Variants in RAPGEF4 observed in about 807,000 individuals in gnomAD.
RAPGEF4 encodes RAP guanine-nucleotide-exchange factor (GEF) 4.
RAPGEF4 carries 66 observed loss-of-function variants against 147.9 expected under a neutral mutation model. The ratio of observed to expected loss-of-function variants is 0.45; its 90% CI spans 0.37 to 0.55. The LOEUF is 0.55. Ranked by LOEUF, RAPGEF4 falls within the 20% of genes least tolerant of loss-of-function variation. The probability of loss-of-function intolerance (pLI) is 0.00; values close to 1 mark genes in which losing one functional copy is unlikely to be tolerated. For synonymous variants in RAPGEF4, 419 were observed against 442.7 expected (o/e 0.95, Z 0.67); for missense variants, 1,071 against 1,257.3 (o/e 0.85, Z 2.24).
Position 172,978,639 on chromosome 2 carries a change from C to G in RAPGEF4, c.1005-4857C>G, listed in dbSNP as rs1295770727. ...CCCTCTAACACCGCCCTCTCCTGCC[C>G]TCTGGGCTGATTGACGCAGAGCTGT... On this transcript the variant is annotated intron_variant, in intron 10 of 30. Coordinates refer to ENST00000397081, the MANE Select transcript of RAPGEF4 (RefSeq NM_007023.4). 2.0e-5 allele frequency among the ~76,000 whole-genome samples: 3 copies of G among 152,344 alleles called. No homozygotes were observed. In the East Asian group the frequency reaches 5.8e-4, roughly 29 times the overall value.
chr2:172,868,523 G>A (rs905788009), intron 4 of RAPGEF4, among the ~76,000 whole-genome samples: 3 of 152,182 alleles, frequency 2.0e-5, no homozygotes, highest in Non-Finnish European at 4.4e-5. Context: ...GGAGTGGGAG[G>A]AAAGAGCCAT....
At chr2:172,860,237 TA>T (rs527727965) in intron 4 of RAPGEF4, 8 of 984,654 alleles carry the variant, frequency 8.1e-6, no homozygotes, top group Admixed American at 6.2e-5. Context: ...AACATGGATT[TA>T]AAAAAAACTA....
intron 1 of RAPGEF4, among the ~76,000 whole-genome samples, chr2:172,763,887 G>GT (rs1696581348): frequency 6.6e-6 from 1 of 151,548 alleles, no homozygotes; most frequent in Admixed American, 6.6e-5. Flanking sequence ...CCTTTTTTTG[G>GT]TATTTTCTGA....
At chr2:172,994,895 C>A (rs1252500430) in intron 15 of RAPGEF4, among the ~76,000 whole-genome samples, 1 of 152,030 alleles carries the variant, frequency 6.6e-6, no homozygotes. Flanking sequence ...CTCCTCTAGG[C>A]TCCAAAGCCA....
At chr2:173,019,450 C>T (rs936246104) in intron 22 of RAPGEF4, among the ~76,000 whole-genome samples, 19 of 152,104 alleles carry the variant, frequency 1.2e-4, no homozygotes, top group East Asian at 1.9e-4. Context: ...AGGAGGTAGA[C>T]GGTAAGTTAA....
Position 173,016,442 on chromosome 2 carries a change from G to A in RAPGEF4, c.1898+5G>A, listed in dbSNP as rs990304469. 6.2e-6 allele frequency: 10 copies of A among 1,600,026 alleles called. No homozygotes were observed. The highest frequency in any genetic ancestry group is 1.7e-5 in the Admixed American group (1 of 60,006). On this transcript the variant is annotated splice_donor_5th_base_variant and intron_variant, in intron 19 of 30. Coordinates refer to ENST00000397081, the MANE Select transcript of RAPGEF4 (RefSeq NM_007023.4). ...GGAGAAGATTGTCAAGCAAATGTAA[G>A]GAAGGGCTTGACTGTGGGGGTGTGC...
chr2:172,756,068 G>A (rs1695746514), intron 1 of RAPGEF4, among the ~76,000 whole-genome samples: 1 of 152,176 alleles, frequency 6.6e-6, no homozygotes, highest in Admixed American at 6.5e-5. Flanking sequence ...AAAATGAGCA[G>A]TGTATATCTT....
At chr2:173,025,088 G>T (rs578043241) in intron 23 of RAPGEF4, among the ~76,000 whole-genome samples, 58 of 152,310 alleles carry the variant, frequency 3.8e-4, no homozygotes, top group Non-Finnish European at 7.6e-4. Flanking sequence ...ATTCATTCAT[G>T]TTCCCCTCCT....
At chr2:173,002,107 TC>T (rs1693992657) in intron 17 of RAPGEF4, among the ~76,000 whole-genome samples, 1 of 151,858 alleles carries the variant, frequency 6.6e-6, no homozygotes, top group African/African-American at 2.4e-5. Context: ...GACAGACTGT[TC>T]CCTGGCAGGG....
Position 173,051,642 on chromosome 2 carries a change from C to T in RAPGEF4, c.2911C>T (p.Pro971Ser), listed in dbSNP as rs1409419205. Residue 971 changes from proline to serine, a missense_variant and splice_region_variant, in exon 31 of 31, where the codon CCT (proline) becomes TCT (serine). Physicochemically the swap from Pro to Ser is moderately conservative, Grantham distance 74 (BLOSUM62 -1). Transcript: ENST00000397081. ...VRYYRSQPFN[P>S]DAAQANKNHQ... The stretch of plus-strand genomic sequence containing the variant: ...TCTGCCCTTTCCTCTTTCAACAGAT[C>T]CTGATGCAGCTCAAGCTAATAAGAA... The T allele has an allele frequency of 1.9e-6, 3 of 1,613,430 alleles. No individual in the cohort carries two copies. The highest frequency in any genetic ancestry group is 3.3e-5 in the Admixed American group (2 of 60,000).
At chr2:172,907,046 C>T (rs1699698514) in intron 4 of RAPGEF4, among the ~76,000 whole-genome samples, 1 of 152,164 alleles carries the variant, frequency 6.6e-6, no homozygotes, top group African/African-American at 2.4e-5. Flanking sequence ...TTCAGCAGAG[C>T]TGGGTTTATC....
At chr2:172,932,747 C>T (rs1016382667) in intron 6 of RAPGEF4, among the ~76,000 whole-genome samples, 5 of 152,132 alleles carry the variant, frequency 3.3e-5, no homozygotes, top group African/African-American at 9.7e-5. Flanking sequence ...GGCAGCTTCA[C>T]GTTGTAACGT....
intron 29 of RAPGEF4, among the ~76,000 whole-genome samples, chr2:173,038,284 C>A (rs1052298802): frequency 6.6e-6 from 1 of 152,158 alleles, no homozygotes; most frequent in South Asian, 2.1e-4. Flanking sequence ...AGAAAGAAAA[C>A]CTGTTTTCCA....
At chr2:172,787,599 C>CTTTA (rs60645567) in intron 1 of RAPGEF4, among the ~76,000 whole-genome samples, 9,001 of 145,364 alleles carry the variant, frequency 0.062, 308 homozygotes, top group African/African-American at 0.071. Flanking sequence ...AAACAAAGTG[C>CTTTA]TTTATTTATT....
chr2:172,899,277 T>C (rs540896113), intron 4 of RAPGEF4, among the ~76,000 whole-genome samples: 5 of 152,336 alleles, frequency 3.3e-5, no homozygotes, highest in African/African-American at 1.2e-4. Flanking sequence ...CCAGTGTAGC[T>C]ATTTTCTGAT....
chr2:172,783,052 T>C (rs940782636), intron 1 of RAPGEF4, among the ~76,000 whole-genome samples: 3 of 152,346 alleles, frequency 2.0e-5, no homozygotes, highest in Non-Finnish European at 4.4e-5. Context: ...TGCAACACTG[T>C]AGATCTGTTC....
chr2:172,832,153 C>A (rs939927898), intron 4 of RAPGEF4, among the ~76,000 whole-genome samples: 1 of 152,228 alleles, frequency 6.6e-6, no homozygotes, highest in South Asian at 2.1e-4. Context: ...TTCATTTGGG[C>A]ACCTGTTGTC....
intron 4 of RAPGEF4, among the ~76,000 whole-genome samples, chr2:172,878,756 G>T (rs534853745): frequency 6.6e-6 from 1 of 152,288 alleles, no homozygotes; most frequent in African/African-American, 2.4e-5. Flanking sequence ...GGGCAACAAT[G>T]TGTATAGGCG....
intron 6 of RAPGEF4, among the ~76,000 whole-genome samples, chr2:172,947,280 A>G (rs1395509795): frequency 6.6e-6 from 1 of 152,248 alleles, no homozygotes; most frequent in Non-Finnish European, 1.5e-5. Flanking sequence ...AAATAGCTGT[A>G]AAACATTTAA....
Sources: allele counts gnomAD v4.1 joint callset (sites outside exome capture counted in the v4.1 genomes callset), GRCh38; gene constraint gnomAD v4.1.1; transcripts MANE v1.5; gene names NCBI Gene and HGNC (gene_info 2026-07-23, HGNC 2026-07-21).